The following SRGAP2C variants were observed in gnomAD, a reference collection of about 807,000 sequenced individuals.
SRGAP2C encodes SLIT-ROBO Rho GTPase-activating protein 2C.
Under a neutral mutation model 25.1 loss-of-function variants are expected in SRGAP2C, and 15 were observed. That is an observed-to-expected ratio of 0.60 (90% confidence interval 0.40 to 0.92). SRGAP2C has a LOEUF of 0.92. SRGAP2C is among the 40% of genes least tolerant of loss of function. SRGAP2C has a pLI of 0.00. For synonymous variants in SRGAP2C, 44 were observed against 96.6 expected (o/e 0.46, Z 3.19); for missense variants, 144 against 264.4 (o/e 0.54, Z 3.16).
intron 3 of SRGAP2C, among the ~76,000 whole-genome samples, chr1:121,286,140 C>G (rs1657360717): frequency 6.6e-6 from 1 of 151,786 alleles, no homozygotes; most frequent in South Asian, 2.1e-4. Flanking sequence ...TCCAATCTGC[C>G]TGCTCCATTG....
At chr1:121,294,441 C>G (rs1385006838) in intron 3 of SRGAP2C, among the ~76,000 whole-genome samples, 1 of 146,940 alleles carries the variant, frequency 6.8e-6, no homozygotes, top group Admixed American at 6.9e-5. Flanking sequence ...GGGTAGGAAG[C>G]CTTTCTAGGG....
intron 3 of SRGAP2C, among the ~76,000 whole-genome samples, chr1:121,291,046 A>G (rs1469112125): frequency 1.5e-5 from 2 of 132,416 alleles, no homozygotes; most frequent in African/African-American, 5.7e-5. Context: ...AGGTGGGGAG[A>G]GAGACACGAG....
At position 121,345,714 on chromosome 1, in the gene SRGAP2C, C is replaced by T. The variant is rs587743441; in HGVS notation, c.424-19579C>T. ...GTTGCCCAGGCTGGAGTGCAGTGCG[C>T]GATCTTGACTCACTGTAACCCCCGC... On this transcript the variant is annotated intron_variant, in intron 4 of 9. Transcript: ENST00000367123. 2.3e-4 allele frequency among the ~76,000 whole-genome samples: 32 copies of T among 137,006 alleles called. 1 individual carries two copies. Among genetic ancestry groups the T allele is most frequent in the Middle Eastern group, 4.3e-3 (1 of 232 alleles). The allele number at this position is 137,006 out of a possible 152,430, so 89.9% of individuals were successfully genotyped here. A position where few individuals can be genotyped will look rare whatever the true frequency, so the allele number is the denominator to read the frequency against.
intron 3 of SRGAP2C, 122 bp downstream of exon 3, chr1:121,285,117 A>C (rs1657330084): frequency 2.1e-6 from 1 of 486,390 alleles, no homozygotes; most frequent in African/African-American, 2.0e-5. Context: ...GATTGGTTGA[A>C]AGCCCTCAAG....
At chr1:121,267,847 T>C (rs1656838056) in intron 2 of SRGAP2C, among the ~76,000 whole-genome samples, 1 of 149,432 alleles carries the variant, frequency 6.7e-6, no homozygotes, top group Non-Finnish European at 1.5e-5. Flanking sequence ...TTGATGGGTT[T>C]CCTTTTTTAA....
rs76374696 is a variant in SRGAP2C at position 121,392,023 on chromosome 1, G to T, written c.*4168G>T. ...TATCAGCAAAGAGATAACAAATTCT[G>T]GAGTGGAAAACTACAATGATAAAAA... On this transcript the variant is annotated 3_prime_UTR_variant, in exon 10 of 10. Transcript: ENST00000367123. 1 of 151,972 alleles carries T rather than the reference G, an allele frequency of 6.6e-6. No individual in the cohort carries two copies. The highest frequency in any genetic ancestry group is 1.5e-5 in the Non-Finnish European group (1 of 67,972). The allele number at this position is 151,972 out of a possible 1,614,324, so 9.4% of individuals were successfully genotyped here. A position where few individuals can be genotyped will look rare whatever the true frequency, so the allele number is the denominator to read the frequency against.
intron 2 of SRGAP2C, among the ~76,000 whole-genome samples, chr1:121,201,755 G>A (rs1553321729): frequency 6.6e-6 from 1 of 152,252 alleles, no homozygotes; most frequent in South Asian, 2.1e-4. Context: ...GGAGATTGAA[G>A]ATAAGAGCGT....
chr1:121,323,148 T>C (rs1402226188), intron 3 of SRGAP2C, among the ~76,000 whole-genome samples: 7 of 150,996 alleles, frequency 4.6e-5, no homozygotes, highest in African/African-American at 1.7e-4. Flanking sequence ...ACAACATGTA[T>C]AAAGGGCCCA....
chr1:121,314,071 C>T (rs1553340280), intron 3 of SRGAP2C, among the ~76,000 whole-genome samples: 16 of 96,618 alleles, frequency 1.7e-4, no homozygotes, highest in East Asian at 3.3e-4. Context: ...ACCAATCAGA[C>T]GTAGATTTGG....
At chr1:121,241,902 C>A (rs1470424702) in intron 2 of SRGAP2C, among the ~76,000 whole-genome samples, 2 of 140,620 alleles carry the variant, frequency 1.4e-5, no homozygotes, top group African/African-American at 2.6e-5. Flanking sequence ...AGTATTATTT[C>A]CACTCCTGTC....
chr1:121,370,752 G>A (rs587675739), intron 5 of SRGAP2C, among the ~76,000 whole-genome samples: 1 of 151,116 alleles, frequency 6.6e-6, no homozygotes, highest in South Asian at 2.1e-4. Context: ...CCTGTTCTCA[G>A]ACTTTCAATA....
At chr1:121,269,300 T>TA (rs1656878882) in intron 2 of SRGAP2C, among the ~76,000 whole-genome samples, 1 of 74,950 alleles carries the variant, frequency 1.3e-5, no homozygotes, top group South Asian at 6.2e-4. Context: ...TCAAGGAAAA[T>TA]ATGCGTTTGT....
At chr1:121,378,668 G>T (rs1442560993) in intron 7 of SRGAP2C, among the ~76,000 whole-genome samples, 16 of 151,986 alleles carry the variant, frequency 1.1e-4, no homozygotes, top group African/African-American at 3.9e-4. Flanking sequence ...TTCATTACTT[G>T]CTTTAAGACA....
At chr1:121,222,350 T>C (rs1655550639) in intron 2 of SRGAP2C, among the ~76,000 whole-genome samples, 1 of 152,002 alleles carries the variant, frequency 6.6e-6, no homozygotes, top group Non-Finnish European at 1.5e-5. Context: ...TGGGTTTGGG[T>C]TGGCGCTGTG....
chr1:121,305,172 A>G (rs1429196114), intron 3 of SRGAP2C, among the ~76,000 whole-genome samples: 5 of 151,160 alleles, frequency 3.3e-5, no homozygotes, highest in Non-Finnish European at 5.9e-5. Context: ...CTCCCTGATC[A>G]CCTCTTTTGC....
chr1:121,228,299 G>GATCATTTT (rs1420415386), intron 2 of SRGAP2C, among the ~76,000 whole-genome samples: 1 of 150,186 alleles, frequency 6.7e-6, no homozygotes. Flanking sequence ...GCTTACCTGG[G>GATCATTTT]ATCATTTTCA....
intron 4 of SRGAP2C, among the ~76,000 whole-genome samples, chr1:121,339,338 G>A (rs1553342831): frequency 1.1e-4 from 16 of 145,814 alleles, no homozygotes; most frequent in Non-Finnish European, 1.9e-4. Context: ...TGCAACCTCC[G>A]CCTCCCGGGT....
intron 3 of SRGAP2C, among the ~76,000 whole-genome samples, chr1:121,307,922 G>A (rs1657882052): frequency 1.4e-5 from 2 of 146,938 alleles, no homozygotes; most frequent in Non-Finnish European, 3.0e-5. Context: ...AATTAGAATG[G>A]GGTGGGATTC....
chr1:121,334,662 T>G (rs1172420579), intron 4 of SRGAP2C, among the ~76,000 whole-genome samples: 2 of 149,774 alleles, frequency 1.3e-5, no homozygotes, highest in African/African-American at 4.9e-5. Flanking sequence ...CCAATATTTA[T>G]TCATTATCTT....
Sources: gnomAD v4.1 joint callset for allele counts (sites outside exome capture counted in the v4.1 genomes callset) on GRCh38, gnomAD v4.1.1 for gene constraint, MANE v1.5 for transcripts, NCBI Gene and HGNC (gene_info 2026-07-23, HGNC 2026-07-21) for gene names.